DEF8: variants seen among roughly 807,000 people sequenced by gnomAD.
DEF8 encodes DEF-8.
DEF8 carries 38 observed loss-of-function variants against 59.1 expected under a neutral mutation model. The observed-to-expected ratio is 0.64, with a 90% CI of 0.50 to 0.84. The LOEUF (loss-of-function observed/expected upper bound fraction) is 0.84, where lower values mean the gene tolerates loss of function less well. Ranked by LOEUF, DEF8 falls within the 40% of genes least tolerant of loss-of-function variation. DEF8 has a pLI of 0.00. For missense variants in DEF8, 557 were observed against 615.2 expected (o/e 0.91, Z 1.00); for synonymous variants, 265 against 250.1 (o/e 1.06, Z -0.56).
intron 2 of DEF8, among the ~76,000 whole-genome samples, chr16:89,951,963 C>T (rs1037817044): frequency 6.6e-6 from 1 of 151,984 alleles, no homozygotes; most frequent in African/African-American, 2.4e-5. Context: ...CTGCAAGCTC[C>T]GCTTCCTGGG....
intron 12 of DEF8, 142 bp downstream of exon 12, chr16:89,964,717 G>C: frequency 1.6e-6 from 1 of 637,314 alleles, no homozygotes; most frequent in South Asian, 1.9e-5. Flanking sequence ...GACTCTTTGG[G>C]TCTTTGCTGA....
chr16:89,959,597 C>A (rs143798139), intron 6 of DEF8, among the ~76,000 whole-genome samples: 7,500 of 152,320 alleles, frequency 0.049, 355 homozygotes, highest in East Asian at 0.25. Flanking sequence ...CGGGTTCACA[C>A]CGTTCTCCTG....
At chr16:89,957,084 C>T (rs1436548872) in intron 4 of DEF8, among the ~76,000 whole-genome samples, 2 of 152,238 alleles carry the variant, frequency 1.3e-5, no homozygotes, top group South Asian at 2.1e-4. Flanking sequence ...CTGGGGCTGG[C>T]TCTCGGCATG....
chr16:89,953,908 C>T (rs559725540), intron 2 of DEF8, among the ~76,000 whole-genome samples: 1 of 152,332 alleles, frequency 6.6e-6, no homozygotes, highest in Admixed American at 6.5e-5. Context: ...CCATAGGTAG[C>T]TCTAGGGCTG....
chr16:89,958,285 T>G, intron 5 of DEF8: 1 of 154,786 alleles, frequency 6.5e-6, no homozygotes, highest in Admixed American at 6.3e-5. Context: ...ATTGGCTAGT[T>G]CTGGGCTGTG....
chr16:89,949,418 A>C lies in DEF8; in HGVS notation c.-106A>C. On this transcript the variant is annotated splice_region_variant and 5_prime_UTR_variant, in exon 2 of 13. Transcript: ENST00000563594. Reference sequence around the variant, plus strand: ...TGCTGGGGTGGCTTCTCCCTGCAGCAGGTGCCGAACCCACGGCCAGGCTTC... The same window carrying C: ...TGCTGGGGTGGCTTCTCCCTGCAGCCGGTGCCGAACCCACGGCCAGGCTTC... 1 of 1,603,078 alleles carries C rather than the reference A, an allele frequency of 6.2e-7. No homozygotes were observed. The highest frequency in any genetic ancestry group is 8.5e-7 in the Non-Finnish European group (1 of 1,176,934).
At position 89,955,239 on chromosome 16, in the gene DEF8, G is replaced by C; in HGVS notation, c.195G>C (p.Leu65=). 6.2e-7 allele frequency: 1 copy of C among 1,613,624 alleles called. No homozygotes were observed. ...CTGAACGCGTGATGGATCTCGGCCT[G>C]TCTGAGGACCACTTCTCCCGCCCTG... ...RCPERVMDLG[L]SEDHFSRPVG... Residue 65 remains leucine, a synonymous_variant, in exon 4 of 13, where the codon CTG becomes CTC. Coordinates refer to ENST00000563594, the MANE Select transcript of DEF8 (RefSeq NM_001242818.2).
Position 89,959,083 on chromosome 16 carries a change from A to G in DEF8, c.442A>G (p.Ser148Gly), listed in dbSNP as rs148634176. Residue 148 changes from serine (S) to glycine (G), a missense_variant, in exon 6 of 13, where the codon AGC becomes GGC. By Grantham distance (56) the Ser-to-Gly change is moderately conservative. Transcript: ENST00000563594. ...CCGCTTTTACAAGGAGAAGAGCAAG[A>G]GCGTCAAGCAGACCTGTGACAAGTG... is the stretch of plus-strand genomic sequence containing the variant. ...EHRFYKEKSK[S>G]VKQTCDKCNT... 18 of 1,613,784 alleles carry G rather than the reference A, an allele frequency of 1.1e-5. No individual in the cohort carries two copies. Among genetic ancestry groups the G allele is most frequent in the Non-Finnish European group, 1.4e-5 (17 of 1,180,042 alleles).
chr16:89,951,765 G>T (rs766869786), intron 2 of DEF8, among the ~76,000 whole-genome samples: 1 of 152,130 alleles, frequency 6.6e-6, no homozygotes, highest in Non-Finnish European at 1.5e-5. Context: ...CTGAAGAGGG[G>T]CAGCCCCTAC....
chr16:89,951,964 G>A (rs888540809), intron 2 of DEF8, among the ~76,000 whole-genome samples: 2 of 151,454 alleles, frequency 1.3e-5, no homozygotes, highest in Non-Finnish European at 2.9e-5. Flanking sequence ...TGCAAGCTCC[G>A]CTTCCTGGGT....
rs144082624 is a variant in DEF8 at position 89,959,059 on chromosome 16, C to T, written c.418C>T (p.Arg140Cys). The T allele has an allele frequency of 2.4e-5, 39 of 1,613,476 alleles. No individual in the cohort carries two copies. The highest frequency in any genetic ancestry group is 3.1e-5 in the Non-Finnish European group (36 of 1,180,046). Residue 140 changes from arginine to cysteine, a missense_variant, in exon 6 of 13, where the codon CGC (arginine) becomes TGC (cysteine). Coordinates refer to ENST00000563594, the MANE Select transcript of DEF8 (RefSeq NM_001242818.2). ...EPNIRVLLEH[R>C]FYKEKSKSVK... Reference sequence around the variant, plus strand: ...AAACATCCGAGTGCTCCTTGAGCACCGCTTTTACAAGGAGAAGAGCAAGAG... The same window carrying T: ...AAACATCCGAGTGCTCCTTGAGCACTGCTTTTACAAGGAGAAGAGCAAGAG...
At chr16:89,963,564 AC>A in intron 10 of DEF8, 121 bp downstream of exon 10, 1 of 719,796 alleles carries the variant, frequency 1.4e-6, no homozygotes, top group Non-Finnish European at 2.3e-6. Flanking sequence ...GGGTCGCCTC[AC>A]CACGGTCCCA....
intron 10 of DEF8, 169 bp from the exon 11 acceptor site, chr16:89,964,001 C>A (rs770902998): frequency 2.2e-6 from 2 of 894,008 alleles, no homozygotes; most frequent in African/African-American, 1.6e-5. Flanking sequence ...CCGGGTCCAT[C>A]TTCCCCTGTC....
chr16:89,964,671 G>C, intron 12 of DEF8, 96 bp downstream of exon 12: 1 of 858,496 alleles, frequency 1.2e-6, no homozygotes, highest in Non-Finnish European at 1.8e-6. Context: ...TGCCGTGGGA[G>C]CTGGCACTGC....
intron 2 of DEF8, among the ~76,000 whole-genome samples, chr16:89,950,591 T>C (rs1056530967): frequency 3.3e-5 from 5 of 152,148 alleles, no homozygotes; most frequent in African/African-American, 1.2e-4. Context: ...GGTTTCACCA[T>C]GTTGGTCAGG....
At chr16:89,953,206 C>A (rs1597464970) in intron 2 of DEF8, among the ~76,000 whole-genome samples, 1 of 152,206 alleles carries the variant, frequency 6.6e-6, no homozygotes, top group East Asian at 1.9e-4. Context: ...ATCAACAGAC[C>A]TTACAGCGAG....
At chr16:89,960,031 C>A (rs1645298766) in intron 6 of DEF8, among the ~76,000 whole-genome samples, 2 of 152,088 alleles carry the variant, frequency 1.3e-5, no homozygotes, top group South Asian at 4.2e-4. Flanking sequence ...AGCTCTGTGT[C>A]TGGAGGAATG....
chr16:89,957,341 T>C, intron 4 of DEF8, 170 bp from the exon 5 acceptor site: 1 of 663,050 alleles, frequency 1.5e-6, no homozygotes, highest in Non-Finnish European at 2.5e-6. Flanking sequence ...ACCTTGACCG[T>C]GCTGCCACCT....
At chr16:89,958,397 G>A (rs1184021146) in intron 5 of DEF8, 2 of 154,620 alleles carry the variant, frequency 1.3e-5, no homozygotes, top group Non-Finnish European at 2.9e-5. Context: ...ACAAAAGAAG[G>A]TGGTGGGTCC....
Sources: allele counts gnomAD v4.1 joint callset (sites outside exome capture counted in the v4.1 genomes callset), GRCh38; gene constraint gnomAD v4.1.1; transcripts MANE v1.5; gene names NCBI Gene and HGNC (gene_info 2026-07-23, HGNC 2026-07-21).